JMY: variants seen among roughly 807,000 people sequenced by gnomAD.
JMY encodes the protein junction mediating and regulatory protein, p53 cofactor.
In JMY, 46 loss-of-function variants were observed where a neutral mutation model predicts 103.3. The ratio of observed to expected loss-of-function variants is 0.45; its 90% CI spans 0.35 to 0.57. The LOEUF is 0.57. Ranked by LOEUF, JMY falls within the 20% of genes least tolerant of loss-of-function variation. The pLI is 0.00. For missense variants in JMY, 1,238 were observed against 1,255.2 expected (o/e 0.99, Z 0.21); for synonymous variants, 526 against 489.3 (o/e 1.07, Z -0.99).
intron 2 of JMY, among the ~76,000 whole-genome samples, chr5:79,286,870 C>T (rs1374714851): frequency 6.6e-6 from 1 of 151,988 alleles, no homozygotes; most frequent in Admixed American, 6.6e-5. Flanking sequence ...AAGTTGTTAA[C>T]CAGATAATTG....
At chr5:79,252,858 T>C (rs1192373590) in intron 1 of JMY, among the ~76,000 whole-genome samples, 1 of 152,244 alleles carries the variant, frequency 6.6e-6, no homozygotes, top group Non-Finnish European at 1.5e-5. Context: ...TCATTGGGTC[T>C]TGTTTTTTAA....
intron 6 of JMY, 124 bp downstream of exon 6, chr5:79,300,987 C>T: frequency 1.4e-6 from 1 of 738,376 alleles, no homozygotes; most frequent in Non-Finnish European, 2.2e-6. Flanking sequence ...TATCAGTGCT[C>T]AATGCGTTTA....
At chr5:79,245,565 T>C (rs1744874450) in intron 1 of JMY, among the ~76,000 whole-genome samples, 1 of 152,124 alleles carries the variant, frequency 6.6e-6, no homozygotes, top group Non-Finnish European at 1.5e-5. Context: ...TATGGCCTCT[T>C]TTTAAAGGAC....
intron 4 of JMY, among the ~76,000 whole-genome samples, chr5:79,298,876 A>G (rs1185621083): frequency 2.0e-5 from 3 of 152,226 alleles, no homozygotes; most frequent in African/African-American, 7.2e-5. Context: ...CAAAAGCTGG[A>G]ATTTTCTTTA....
intron 1 of JMY, among the ~76,000 whole-genome samples, chr5:79,276,700 G>A (rs566824431): frequency 2.4e-4 from 37 of 151,766 alleles, no homozygotes; most frequent in South Asian, 4.2e-4. Flanking sequence ...TCTGCCTCCC[G>A]GGTTCAATTG....
At position 79,316,297 on chromosome 5, in the gene JMY, G is replaced by A; in HGVS notation, c.2957G>A (p.Trp986Ter). 6.2e-7 allele frequency: 1 copy of A among 1,608,498 alleles called. No homozygotes were observed. Among genetic ancestry groups the A allele is most frequent in the Non-Finnish European group, 8.5e-7 (1 of 1,177,218 alleles). ...GAGGAGGCTTTACCTTGCACAGACTGGGAGAACTAACAAGTAAACGGCCTT... is the reference window on the plus strand; with the variant it reads ...GAGGAGGCTTTACCTTGCACAGACTAGGAGAACTAACAAGTAAACGGCCTT... ...DEEEALPCTD[W>*]EN is the part of the protein sequence containing the mutation. Residue 986 changes from tryptophan to a stop codon, truncating the protein, a stop_gained, in exon 10 of 11, where the codon TGG (tryptophan) becomes TAG (stop). Transcript: ENST00000396137. LOFTEE classifies it high-confidence loss of function.
intron 2 of JMY, among the ~76,000 whole-genome samples, chr5:79,289,165 G>C (rs1320372940): frequency 1.3e-5 from 2 of 151,034 alleles, no homozygotes; most frequent in African/African-American, 4.9e-5. Flanking sequence ...AACCTGGGAG[G>C]CGGAGGTTGC....
intron 1 of JMY, among the ~76,000 whole-genome samples, chr5:79,262,409 A>C (rs569168653): frequency 1.6e-4 from 24 of 152,316 alleles, no homozygotes; most frequent in African/African-American, 5.8e-4. Flanking sequence ...GGACTTTGTC[A>C]GTTTTTAGTT....
chr5:79,262,020 C>A (rs1745439080), intron 1 of JMY, among the ~76,000 whole-genome samples: 1 of 152,234 alleles, frequency 6.6e-6, no homozygotes, highest in Non-Finnish European at 1.5e-5. Flanking sequence ...ATTATCAAAG[C>A]TTTACTTTCC....
chr5:79,277,053 C>G (rs1745962445), intron 1 of JMY, among the ~76,000 whole-genome samples: 1 of 152,076 alleles, frequency 6.6e-6, no homozygotes, highest in Admixed American at 6.5e-5. Flanking sequence ...TTTTATAAAA[C>G]TTTTATTTAT....
chr5:79,237,642 A>G lies in JMY; in HGVS notation c.992A>G (p.Tyr331Cys), dbSNP rs762100520. Residue 331 changes from tyrosine (Y) to cysteine (C), a missense_variant, in exon 1 of 11, where the codon TAC becomes TGC. Physicochemically the swap from Tyr to Cys is radical, Grantham distance 194. Transcript: ENST00000396137. ...ESLSELRQKG[Y>C]EEVLQRARKR... The stretch of plus-strand genomic sequence containing the variant: ...CTCAGCGAGCTGCGGCAGAAGGGCT[A>G]CGAAGAAGTGCTTCAGCGGGCCAGG... 1.9e-6 allele frequency: 3 copies of G among 1,613,650 alleles called. No homozygotes were observed. The highest frequency in any genetic ancestry group is 2.2e-5 in the East Asian group (1 of 44,860).
chr5:79,314,778 C>CT lies in JMY; in HGVS notation c.2589dup (p.Asp864Ter). 6.2e-7 allele frequency: 1 copy of CT among 1,613,024 alleles called. No homozygotes were observed. Among genetic ancestry groups the CT allele is most frequent in the Non-Finnish European group, 8.5e-7 (1 of 1,179,550 alleles). ...CAGCCAGTGCCCCCTCAGCACACCT[C>CT]TTTGACAGCAGCCAGCTGGTCAGTG... is the stretch of plus-strand genomic sequence containing the variant. On this transcript the variant is annotated frameshift_variant, in exon 9 of 11. Transcript: ENST00000396137. LOFTEE classifies it high-confidence loss of function.
At chr5:79,286,198 A>C (rs1212980687) in intron 2 of JMY, among the ~76,000 whole-genome samples, 4 of 152,214 alleles carry the variant, frequency 2.6e-5, no homozygotes, top group Non-Finnish European at 4.4e-5. Context: ...AATCAGTTAA[A>C]AGACAGCATT....
In JMY at chr5:79,322,446, T is replaced by G. The variant is rs1747485065; in HGVS notation, c.*844T>G. On this transcript the variant is annotated 3_prime_UTR_variant, in exon 11 of 11. Transcript: ENST00000396137. ...TTGATTGCTATGACTGACATGACTT[T>G]CCTATTGAGAATCAAAAATCAAGAT... The G allele has an allele frequency of 6.6e-6, 1 of 152,222 alleles. No individual in the cohort carries two copies. The allele number at this position is 152,222 out of a possible 1,614,324, so 9.4% of individuals were successfully genotyped here. A position where few individuals can be genotyped will look rare whatever the true frequency, so the allele number is the denominator to read the frequency against.
chr5:79,247,856 T>C (rs935252303), intron 1 of JMY, among the ~76,000 whole-genome samples: 3 of 150,060 alleles, frequency 2.0e-5, no homozygotes, highest in African/African-American at 7.3e-5. Flanking sequence ...TTTTATTTTA[T>C]TTTTTATATT....
intron 4 of JMY, 30 bp from the exon 5 acceptor site, chr5:79,300,123 G>A: frequency 6.2e-7 from 1 of 1,608,502 alleles, no homozygotes. Context: ...CCACCAGCTA[G>A]AAATTTTTTA....
chr5:79,261,142 A>T (rs1745407811), intron 1 of JMY, among the ~76,000 whole-genome samples: 1 of 152,144 alleles, frequency 6.6e-6, no homozygotes, highest in South Asian at 2.1e-4. Flanking sequence ...CCTAAATAAG[A>T]TGGCTACAAG....
At chr5:79,297,279 TATTTAA>T (rs1746590672) in intron 4 of JMY, among the ~76,000 whole-genome samples, 1 of 152,168 alleles carries the variant, frequency 6.6e-6, no homozygotes, top group African/African-American at 2.4e-5. Context: ...TTCCTTTGAG[TATTTAA>T]ACTACTTTCA....
At chr5:79,274,966 C>G (rs1305501468) in intron 1 of JMY, among the ~76,000 whole-genome samples, 1 of 152,114 alleles carries the variant, frequency 6.6e-6, no homozygotes, top group East Asian at 1.9e-4. Flanking sequence ...TAGTACCTGT[C>G]CTGTGCATGT....
Sources: allele counts gnomAD v4.1 joint callset (sites outside exome capture counted in the v4.1 genomes callset), GRCh38; gene constraint gnomAD v4.1.1; transcripts MANE v1.5; gene names NCBI Gene and HGNC (gene_info 2026-07-23, HGNC 2026-07-21).